Variants in EOGT observed in about 807,000 individuals in gnomAD.
The protein encoded by EOGT is EGF domain-specific O-linked N-acetylglucosamine transferase.
In EOGT, 55 loss-of-function variants were observed where a neutral mutation model predicts 70.5. That is an observed-to-expected ratio of 0.78 (90% CI 0.63 to 0.98). The LOEUF (loss-of-function observed/expected upper bound fraction) is 0.98, where lower values mean the gene tolerates loss of function less well. EOGT is among the 50% of genes least tolerant of loss of function. EOGT has a pLI of 0.00. For missense variants in EOGT, 703 were observed against 641.9 expected, an observed-to-expected ratio of 1.10 and a Z score of -1.03; for synonymous variants, 246 against 217.1, an observed-to-expected ratio of 1.13 and a Z score of -1.17.
chr3:68,982,185 A>G (rs2090664426), intron 15 of EOGT, among the ~76,000 whole-genome samples: 1 of 152,196 alleles, frequency 6.6e-6, no homozygotes, highest in African/African-American at 2.4e-5. Context: ...CTAGGATTAC[A>G]GGCGTGAGCC....
In EOGT at chr3:68,981,196, T is replaced by C. The variant is rs114067220; in HGVS notation, c.1215-1409A>G. On this transcript the variant is annotated intron_variant, in intron 15 of 17. Transcript: ENST00000383701. Reference sequence around the variant, plus strand: ...AAGCATAAAAGTACATTTCGATAAATAGTAGCTGTTTTTACAATTGCTATT... The same window carrying C: ...AAGCATAAAAGTACATTTCGATAAACAGTAGCTGTTTTTACAATTGCTATT... 5.2e-3 allele frequency among the ~76,000 whole-genome samples: 790 copies of C among 152,326 alleles called. 6 individuals are homozygous for C. The highest frequency in any genetic ancestry group is 0.018 in the African/African-American group (747 of 41,566).
At chr3:68,999,735 CAT>C (rs1389630028) in intron 9 of EOGT, among the ~76,000 whole-genome samples, 1 of 152,182 alleles carries the variant, frequency 6.6e-6, no homozygotes, top group South Asian at 2.1e-4. Context: ...ATAGAGCACA[CAT>C]GAGCTCTTTC....
At chr3:68,978,589 A>G (rs1380843287) in intron 16 of EOGT, among the ~76,000 whole-genome samples, 154 bp from the exon 17 acceptor site, 1 of 152,260 alleles carries the variant, frequency 6.6e-6, no homozygotes, top group East Asian at 1.9e-4. Context: ...GAGGAAGAGA[A>G]TGTAAAAATA....
chr3:68,992,438 C>T (rs777484929), intron 10 of EOGT, among the ~76,000 whole-genome samples: 4 of 152,224 alleles, frequency 2.6e-5, no homozygotes, highest in Admixed American at 2.0e-4. Flanking sequence ...CCTTTGACTC[C>T]AGGTCTCACA....
At chr3:69,005,526 C>A (rs1327607568) in intron 6 of EOGT, among the ~76,000 whole-genome samples, 5 of 152,074 alleles carry the variant, frequency 3.3e-5, no homozygotes, top group Non-Finnish European at 7.3e-5. Context: ...TCAGTTCAGT[C>A]CCCTTTAAAA....
intron 9 of EOGT, among the ~76,000 whole-genome samples, chr3:68,998,477 CTTTA>C (rs1190681217): frequency 1.1e-4 from 16 of 152,238 alleles, no homozygotes; most frequent in Non-Finnish European, 1.9e-4. Flanking sequence ...TTTCTTCTGA[CTTTA>C]TTTATTTTTT....
rs780884202 is a variant in EOGT at position 69,001,661 on chromosome 3, G to T, written c.674C>A (p.Ala225Asp). 1.6e-5 allele frequency: 25 copies of T among 1,610,966 alleles called. No individual in the cohort carries two copies. In the South Asian group the frequency reaches 2.2e-4, roughly 14 times the overall value. The change falls in exon 9 of 18, where the codon GCT becomes GAT. Residue 225 changes from alanine (A) to aspartate (D), a missense_variant. By Grantham distance (126) the Ala-to-Asp change is moderately radical. Transcript: ENST00000383701. ...TQLNFRPIEDAKCDIVIEKPT... is the reference protein window; with the variant it reads ...TQLNFRPIEDDKCDIVIEKPT... ...TTTTTCAATGACAATGTCACATTTAGCATCTTCTATAGGTCTGAAGTTGAG... is the reference window on the plus strand; with the variant it reads ...TTTTTCAATGACAATGTCACATTTATCATCTTCTATAGGTCTGAAGTTGAG...
chr3:68,996,502 T>C (rs1006522055), intron 10 of EOGT, among the ~76,000 whole-genome samples: 2 of 152,226 alleles, frequency 1.3e-5, no homozygotes, highest in Non-Finnish European at 2.9e-5. Flanking sequence ...ATGTTTCGGA[T>C]TCCCTGAGTA....
At chr3:69,008,327 T>C (rs2091488957) in intron 5 of EOGT, 101 bp downstream of exon 5, 1 of 791,108 alleles carries the variant, frequency 1.3e-6, no homozygotes, top group Non-Finnish European at 2.1e-6. Flanking sequence ...CTAAATGAAT[T>C]ACTATCTAAA....
intron 6 of EOGT, among the ~76,000 whole-genome samples, chr3:69,007,278 T>G (rs764988747): frequency 6.6e-6 from 1 of 152,192 alleles, no homozygotes; most frequent in Non-Finnish European, 1.5e-5. Context: ...GAGTGAGGAA[T>G]TCCTTTCATA....
At chr3:68,990,497 C>T (rs9822849) in intron 10 of EOGT, among the ~76,000 whole-genome samples, 2,165 of 152,044 alleles carry the variant, frequency 0.014, 48 homozygotes, top group African/African-American at 0.05. Flanking sequence ...GGATTACAGG[C>T]GCACGCCACC....
At position 68,977,714 on chromosome 3, in the gene EOGT, G is replaced by A. The variant is rs771945573; in HGVS notation, c.1488C>T (p.Phe496=). 8.7e-6 allele frequency: 14 copies of A among 1,613,700 alleles called. No homozygotes were observed. The East Asian group carries it at 2.2e-4, about 26-fold the overall frequency. ...GEHPKFTNYS[F]DVEEFMYLVL... Reference sequence around the variant, plus strand: ...CAAGATACATAAATTCTTCTACATCGAAAGAGTAGTTGGTGAACTTCGGGT... The same window carrying A: ...CAAGATACATAAATTCTTCTACATCAAAAGAGTAGTTGGTGAACTTCGGGT... Residue 496 remains phenylalanine (F), a synonymous_variant, in exon 18 of 18, where the codon TTC becomes TTT. Transcript: ENST00000383701.
In EOGT at chr3:68,979,754, T is replaced by C. The variant is rs1286068870; in HGVS notation, c.1248A>G (p.Thr416=). ...TTCCAATAAATATGTCCGTGTTGTG[T>C]GTGATCCTTAGTTGATCTAAAAACC... The part of the protein sequence containing the change: ...ELGFLDQLRI[T]HNTDIFIGMH... The change falls in exon 16 of 18, where the codon ACA becomes ACG. Residue 416 remains threonine (T), a synonymous_variant. Coordinates refer to ENST00000383701, the MANE Select transcript of EOGT (RefSeq NM_001278689.2). The C allele has an allele frequency of 6.2e-7, 1 of 1,613,656 alleles. No individual in the cohort carries two copies. Among genetic ancestry groups the C allele is most frequent in the South Asian group, 1.1e-5 (1 of 91,066 alleles).
intron 15 of EOGT, 143 bp downstream of exon 15, chr3:68,982,668 C>T (rs1415083924): frequency 1.4e-5 from 6 of 443,270 alleles, no homozygotes; most frequent in Non-Finnish European, 1.2e-5. Flanking sequence ...ACTTCACCTG[C>T]CCATTTCATT....
In EOGT at chr3:69,003,260, T is replaced by C. The variant is rs559404359; in HGVS notation, c.620+1118A>G. Among the ~76,000 whole-genome samples the C allele has an allele frequency of 2.6e-5, 4 of 152,306 alleles. 1 individual carries two copies. The highest frequency in any genetic ancestry group is 2.0e-4 in the Admixed American group (3 of 15,308). On this transcript the variant is annotated intron_variant, in intron 8 of 17. Transcript: ENST00000383701. ...CATTGTGCCATGGTTATATGAGATA[T>C]TATCATTAGAGGAAGCTCAGGGAAT...
chr3:68,977,735 C>T lies in EOGT; in HGVS notation c.1467G>A (p.Pro489=), dbSNP rs188086670. The change falls in exon 18 of 18, where the codon CCG becomes CCA. Residue 489 remains proline, a synonymous_variant. Transcript: ENST00000383701. ...CATCGAAAGAGTAGTTGGTGAACTT[C>T]GGGTGCTCCCCCAGGGTTGGATGGT... ...KGHHPTLGEH[P]KFTNYSFDVE... 3.3e-5 allele frequency: 53 copies of T among 1,613,380 alleles called. No homozygotes were observed. Among genetic ancestry groups the T allele is most frequent in the East Asian group, 1.1e-4 (5 of 44,806 alleles).
Position 68,998,107 on chromosome 3 carries a change from G to A in EOGT, c.735C>T (p.Asn245=). ...TGAAATCACAGAAGTGGTGATACAT[G>A]TTAACACCTAGTGTTGGAAAATGAA... ...TYFMKLDAGV[N]MYHHFCDFIN... is the part of the protein sequence containing the mutation. Residue 245 remains asparagine (N), a synonymous_variant, in exon 10 of 18, where the codon AAC becomes AAT. Coordinates refer to ENST00000383701, the MANE Select transcript of EOGT (RefSeq NM_001278689.2). The A allele has an allele frequency of 2.6e-6, 4 of 1,547,982 alleles. No homozygotes were observed. Among genetic ancestry groups the A allele is most frequent in the Non-Finnish European group, 2.7e-6 (3 of 1,128,514 alleles).
At chr3:68,987,953 C>T (rs1031628390) in intron 13 of EOGT, 23 of 347,504 alleles carry the variant, frequency 6.6e-5, no homozygotes, top group East Asian at 6.3e-4. Flanking sequence ...CTTGCTCTGT[C>T]GCCCAGGCGG....
rs540910834 is a variant in EOGT at position 69,010,325 on chromosome 3, G to C, written c.-14-465C>G. On this transcript the variant is annotated intron_variant, in intron 3 of 17. Transcript: ENST00000383701. ...AAAGTAGCCATGGTCTATTATAAAA[G>C]AATGGATGAGGCTGTGTTCCAATAA... Among the ~76,000 whole-genome samples the C allele has an allele frequency of 2.6e-5, 4 of 152,356 alleles. No individual in the cohort carries two copies. The South Asian group carries it at 8.3e-4, about 32-fold the overall frequency.
Sources: gnomAD v4.1 joint callset for allele counts (sites outside exome capture counted in the v4.1 genomes callset) on GRCh38, gnomAD v4.1.1 for gene constraint, MANE v1.5 for transcripts, NCBI Gene and HGNC (gene_info 2026-07-23, HGNC 2026-07-21) for gene names.